SNX24: variants seen among roughly 807,000 people sequenced by gnomAD.
SNX24 encodes sorting nexin-24.
SNX24 carries 22 observed loss-of-function variants against 28.7 expected under a neutral mutation model. That is an observed-to-expected ratio of 0.77 (90% CI 0.55 to 1.10). SNX24 has a LOEUF of 1.10. Ranked by LOEUF, SNX24 falls within the 50% of genes least tolerant of loss-of-function variation. The pLI is 0.00. For synonymous variants in SNX24, 69 were observed against 71.5 expected (o/e 0.96, Z 0.18); for missense variants, 221 against 201.1 (o/e 1.10, Z -0.60).
intron 1 of SNX24, among the ~76,000 whole-genome samples, chr5:122,901,350 G>A (rs1454019446): frequency 6.6e-6 from 1 of 152,110 alleles, no homozygotes; most frequent in Non-Finnish European, 1.5e-5. Context: ...GGGACAATAA[G>A]GAGAATGTAG....
At chr5:122,848,309 T>C (rs1318194540) in intron 1 of SNX24, among the ~76,000 whole-genome samples, 1 of 152,168 alleles carries the variant, frequency 6.6e-6, no homozygotes, top group Non-Finnish European at 1.5e-5. Context: ...TTGCACTGGC[T>C]AGTCTCAAAC....
At chr5:122,846,793 G>A (rs1367935173) in intron 1 of SNX24, among the ~76,000 whole-genome samples, 1 of 152,204 alleles carries the variant, frequency 6.6e-6, no homozygotes, top group Non-Finnish European at 1.5e-5. Flanking sequence ...TCTGAAACAA[G>A]TTGTTAAAGT....
intron 1 of SNX24, among the ~76,000 whole-genome samples, chr5:122,866,237 C>T (rs1344315177): frequency 6.6e-6 from 1 of 152,160 alleles, no homozygotes; most frequent in African/African-American, 2.4e-5. Context: ...GCAACCACCA[C>T]CTCCCAGGTT....
chr5:122,913,466 G>A (rs567561329), intron 1 of SNX24, among the ~76,000 whole-genome samples: 53 of 152,100 alleles, frequency 3.5e-4, no homozygotes, highest in Middle Eastern at 3.4e-3. Flanking sequence ...CCTTCCGGAC[G>A]GGGTGGCTGC....
At chr5:123,028,662 C>T (rs566542898) in intron 5 of SNX24, 5 of 774,832 alleles carry the variant, frequency 6.5e-6, no homozygotes, top group East Asian at 2.8e-5. Context: ...GAGGTACAGT[C>T]GTCTTTACAA....
intron 1 of SNX24, among the ~76,000 whole-genome samples, chr5:122,914,738 T>C (rs544517538): frequency 1.3e-3 from 199 of 152,066 alleles, no homozygotes; most frequent in African/African-American, 4.5e-3. Context: ...GGATCGGTGG[T>C]GATATCCCCT....
intron 6 of SNX24, among the ~76,000 whole-genome samples, chr5:123,004,780 A>G (rs1762366836): frequency 6.6e-6 from 1 of 152,082 alleles, no homozygotes; most frequent in South Asian, 2.1e-4. Context: ...TTCTCCATCC[A>G]TAGCCGGCTG....
chr5:122,989,932 C>G (rs908973411), intron 3 of SNX24, among the ~76,000 whole-genome samples: 1 of 152,098 alleles, frequency 6.6e-6, no homozygotes, highest in Non-Finnish European at 1.5e-5. Flanking sequence ...TGTAGACAGC[C>G]CTAATTTCTC....
chr5:122,970,564 G>T (rs1453158637), intron 3 of SNX24, among the ~76,000 whole-genome samples: 2 of 152,144 alleles, frequency 1.3e-5, no homozygotes, highest in African/African-American at 2.4e-5. Flanking sequence ...CGCCACCAGG[G>T]TTCACGCCAT....
chr5:122,997,021 A>G (rs577541926), intron 3 of SNX24, among the ~76,000 whole-genome samples: 9 of 152,232 alleles, frequency 5.9e-5, no homozygotes, highest in Non-Finnish European at 1.3e-4. Flanking sequence ...TGTGAGGTCC[A>G]GCCTTACTGT....
At chr5:122,963,327 G>T (rs1037364588) in intron 3 of SNX24, among the ~76,000 whole-genome samples, 1 of 152,194 alleles carries the variant, frequency 6.6e-6, no homozygotes, top group Non-Finnish European at 1.5e-5. Flanking sequence ...AGACTGGTGG[G>T]ATGTGGGGTG....
chr5:122,962,350 T>G (rs1375371716), intron 3 of SNX24, among the ~76,000 whole-genome samples: 6 of 152,266 alleles, frequency 3.9e-5, no homozygotes, highest in Non-Finnish European at 8.8e-5. Flanking sequence ...TCCCAGTGAT[T>G]TACATGCTTT....
intron 1 of SNX24, among the ~76,000 whole-genome samples, chr5:122,931,885 G>A (rs1331726723): frequency 1.3e-5 from 2 of 151,264 alleles, no homozygotes; most frequent in Admixed American, 1.3e-4. Flanking sequence ...TAACGTATGA[G>A]CTTCTGAAAG....
chr5:122,910,202 A>G (rs1392604001), intron 1 of SNX24, among the ~76,000 whole-genome samples: 1 of 152,212 alleles, frequency 6.6e-6, no homozygotes, highest in African/African-American at 2.4e-5. Context: ...TGTGGTGTTC[A>G]GGGTTTGTAT....
At chr5:122,992,164 T>C (rs1337534536) in intron 3 of SNX24, among the ~76,000 whole-genome samples, 2 of 152,152 alleles carry the variant, frequency 1.3e-5, no homozygotes, top group Non-Finnish European at 2.9e-5. Context: ...ATGAAACATA[T>C]AGTCATTAAA....
At chr5:122,918,896 A>G (rs1199016025) in intron 1 of SNX24, among the ~76,000 whole-genome samples, 1 of 152,198 alleles carries the variant, frequency 6.6e-6, no homozygotes, top group African/African-American at 2.4e-5. Context: ...GATTCCTTAC[A>G]TACTGTCTTA....
At chr5:122,874,030 A>G (rs1346481556) in intron 1 of SNX24, among the ~76,000 whole-genome samples, 2 of 152,164 alleles carry the variant, frequency 1.3e-5, no homozygotes, top group East Asian at 3.9e-4. Flanking sequence ...CTGGCCTCCC[A>G]CAATGCTGGG....
At chr5:122,974,778 A>G (rs1441102711) in intron 3 of SNX24, among the ~76,000 whole-genome samples, 1 of 152,134 alleles carries the variant, frequency 6.6e-6, no homozygotes, top group Non-Finnish European at 1.5e-5. Flanking sequence ...CCCTCCAGGG[A>G]TGTGATGTTT....
At chr5:122,920,056 C>T (rs1207323395) in intron 1 of SNX24, among the ~76,000 whole-genome samples, 1 of 152,150 alleles carries the variant, frequency 6.6e-6, no homozygotes, top group Non-Finnish European at 1.5e-5. Flanking sequence ...CAAGAGGAAA[C>T]ATCTAGAAAG....
Sources: gnomAD v4.1 joint callset for allele counts (sites outside exome capture counted in the v4.1 genomes callset) on GRCh38, gnomAD v4.1.1 for gene constraint, MANE v1.5 for transcripts, NCBI Gene and HGNC (gene_info 2026-07-23, HGNC 2026-07-21) for gene names.